USP15: variants seen among roughly 807,000 people sequenced by gnomAD.
The protein encoded by USP15 is ubiquitin carboxyl-terminal hydrolase 15.
A neutral mutation model predicts 127.1 loss-of-function variants in USP15; 18 were observed. That is an observed-to-expected ratio of 0.14 (90% CI 0.10 to 0.21). The LOEUF (loss-of-function observed/expected upper bound fraction) is 0.21. Ranked by LOEUF, USP15 falls within the 10% of genes least tolerant of loss-of-function variation. The pLI, the probability that USP15 is intolerant of heterozygous loss-of-function variation, is 1.00. For missense variants in USP15, 805 were observed against 1,159.9 expected (o/e 0.69, Z 4.44); for synonymous variants, 364 against 393.7 (o/e 0.92, Z 0.89).
At chr12:62,272,399 G>A (rs1310113180) in intron 1 of USP15, among the ~76,000 whole-genome samples, 1 of 151,874 alleles carries the variant, frequency 6.6e-6, no homozygotes, top group Non-Finnish European at 1.5e-5. Flanking sequence ...TTTAATATTA[G>A]GCAATTAAGC....
intron 8 of USP15, among the ~76,000 whole-genome samples, chr12:62,376,579 G>A (rs968765430): frequency 6.6e-6 from 1 of 152,132 alleles, no homozygotes; most frequent in Non-Finnish European, 1.5e-5. Flanking sequence ...GCTCCAAATG[G>A]CATGAGACTG....
intron 2 of USP15, among the ~76,000 whole-genome samples, chr12:62,299,811 A>G (rs1202445705): frequency 6.6e-6 from 1 of 152,172 alleles, no homozygotes; most frequent in East Asian, 1.9e-4. Context: ...ATTGCTTCAC[A>G]TTATTACCAA....
chr12:62,326,438 A>AATAATAG (rs2065127782), intron 6 of USP15, among the ~76,000 whole-genome samples: 1 of 152,178 alleles, frequency 6.6e-6, no homozygotes, highest in Non-Finnish European at 1.5e-5. Context: ...TCTACACTCC[A>AATAATAG]TTATCAAAAC....
At position 62,391,799 on chromosome 12, in the gene USP15, T is replaced by A. The variant is rs2067333700; in HGVS notation, c.2234-17T>A. ...GACATATTAAATTTTAAAGAAAAAATATGTTTTCCACCTTAGAAAGATCTT... is the reference window on the plus strand; with the variant it reads ...GACATATTAAATTTTAAAGAAAAAAAATGTTTTCCACCTTAGAAAGATCTT... On this transcript the variant is annotated splice_polypyrimidine_tract_variant and intron_variant, in intron 16 of 21. Coordinates refer to ENST00000280377, the MANE Select transcript of USP15 (RefSeq NM_001252078.2). 6.3e-7 allele frequency: 1 copy of A among 1,576,518 alleles called. No individual in the cohort carries two copies. The highest frequency in any genetic ancestry group is 1.8e-5 in the Admixed American group (1 of 55,846).
At chr12:62,372,414 G>A (rs978484544) in intron 8 of USP15, among the ~76,000 whole-genome samples, 2 of 152,084 alleles carry the variant, frequency 1.3e-5, no homozygotes, top group Admixed American at 6.6e-5. Context: ...AATTCTTTTA[G>A]AACATTATTT....
intron 7 of USP15, among the ~76,000 whole-genome samples, chr12:62,350,863 C>T (rs1005123109): frequency 6.6e-6 from 1 of 152,084 alleles, no homozygotes; most frequent in African/African-American, 2.4e-5. Context: ...TGGGCTCAAG[C>T]AATCCTCCTG....
intron 1 of USP15, 68 bp downstream of exon 1, chr12:62,260,571 G>C: frequency 1.4e-6 from 2 of 1,456,648 alleles, no homozygotes; most frequent in Non-Finnish European, 1.9e-6. Flanking sequence ...GGAGCCGCGA[G>C]CTGGTTCTTT....
rs147325167 is a variant in USP15 at position 62,274,640 on chromosome 12, C to G, written c.89+14137C>G. 6.0e-5 allele frequency among the ~76,000 whole-genome samples: 9 copies of G among 151,240 alleles called. No homozygotes were observed. The East Asian group carries it at 1.2e-3, about 20-fold the overall frequency. Reference sequence around the variant, plus strand: ...AGCCTGTGCAAGAGTAAGACCACCTCAAACAAACAAACAGATAAATAAATG... The same window carrying G: ...AGCCTGTGCAAGAGTAAGACCACCTGAAACAAACAAACAGATAAATAAATG... On this transcript the variant is annotated intron_variant, in intron 1 of 21. Transcript: ENST00000280377.
intron 3 of USP15, chr12:62,305,814 GGTCTGT>G (rs1275875368): frequency 6.6e-6 from 1 of 152,168 alleles, no homozygotes; most frequent in Non-Finnish European, 1.5e-5. Flanking sequence ...TACTGAGGTT[GGTCTGT>G]GTGGCCAATA....
chr12:62,278,146 C>T (rs2063545364), intron 1 of USP15, among the ~76,000 whole-genome samples: 1 of 152,054 alleles, frequency 6.6e-6, no homozygotes, highest in African/African-American at 2.4e-5. Context: ...TAACCTAGGC[C>T]TGCACAGTCA....
At chr12:62,376,899 A>T (rs1312868437) in intron 8 of USP15, among the ~76,000 whole-genome samples, 1 of 152,182 alleles carries the variant, frequency 6.6e-6, no homozygotes, top group Admixed American at 6.5e-5. Flanking sequence ...TTTTTAAAAC[A>T]TATATGTCTT....
At chr12:62,313,923 G>T in intron 3 of USP15, 3 of 361,018 alleles carry the variant, frequency 8.3e-6, no homozygotes, top group Non-Finnish European at 1.2e-5. Context: ...TATCCCAACG[G>T]TCATTTGGAG....
intron 8 of USP15, among the ~76,000 whole-genome samples, chr12:62,369,824 GA>G (rs1258972118): frequency 6.6e-6 from 1 of 152,096 alleles, no homozygotes; most frequent in Non-Finnish European, 1.5e-5. Flanking sequence ...ATTAATAGTA[GA>G]ATGAAACATA....
chr12:62,373,614 C>G (rs767473840), intron 8 of USP15, among the ~76,000 whole-genome samples: 7 of 151,922 alleles, frequency 4.6e-5, no homozygotes, highest in Non-Finnish European at 8.8e-5. Context: ...TGCTAGTTCT[C>G]TCTTCACTGA....
chr12:62,281,454 A>T (rs1269533386), intron 1 of USP15, among the ~76,000 whole-genome samples: 1 of 152,192 alleles, frequency 6.6e-6, no homozygotes, highest in Non-Finnish European at 1.5e-5. Flanking sequence ...CTTGTGCCTC[A>T]GCCTCCTGAG....
intron 8 of USP15, among the ~76,000 whole-genome samples, chr12:62,370,241 C>T (rs771491042): frequency 7.2e-5 from 11 of 152,090 alleles, no homozygotes; most frequent in Admixed American, 1.3e-4. Flanking sequence ...TTGTTTTATA[C>T]TTTTAACCTC....
intron 11 of USP15, among the ~76,000 whole-genome samples, chr12:62,385,351 G>A (rs2067115491): frequency 6.6e-6 from 1 of 151,858 alleles, no homozygotes; most frequent in Admixed American, 6.6e-5. Flanking sequence ...CTATATGAAA[G>A]CTATATTTGA....
intron 16 of USP15, 97 bp from the exon 17 acceptor site, chr12:62,391,719 T>G (rs886722125): frequency 1.6e-5 from 17 of 1,094,920 alleles, no homozygotes; most frequent in Non-Finnish European, 2.2e-5. Context: ...TAGAAAAGAT[T>G]GCTGTTTGTT....
chr12:62,335,456 T>G, intron 6 of USP15: 1 of 1,331,266 alleles, frequency 7.5e-7, no homozygotes, highest in Non-Finnish European at 9.6e-7. Context: ...CTGATCACCT[T>G]ACTATTTAAG....
Sources: gnomAD v4.1 joint callset for allele counts (sites outside exome capture counted in the v4.1 genomes callset) on GRCh38, gnomAD v4.1.1 for gene constraint, MANE v1.5 for transcripts, NCBI Gene and HGNC (gene_info 2026-07-23, HGNC 2026-07-21) for gene names.